SLC35F4: variants seen among roughly 807,000 people sequenced by gnomAD.
SLC35F4 encodes the protein chromosome 14 open reading frame 36.
In SLC35F4, 24 loss-of-function variants were observed where a neutral mutation model predicts 44.2. The observed-to-expected ratio is 0.54, with a 90% CI of 0.39 to 0.76. The LOEUF (loss-of-function observed/expected upper bound fraction) is 0.76. Among genes scored for constraint, SLC35F4 ranks in the 30% least tolerant of loss-of-function variants. SLC35F4 has a pLI of 0.00. For missense variants in SLC35F4, 562 were observed against 586.1 expected, an observed-to-expected ratio of 0.96 and a Z score of 0.42; for synonymous variants, 238 against 223.6, an observed-to-expected ratio of 1.06 and a Z score of -0.57.
intron 1 of SLC35F4, among the ~76,000 whole-genome samples, chr14:57,791,657 A>G (rs1290098048): frequency 6.6e-6 from 1 of 151,180 alleles, no homozygotes; most frequent in Non-Finnish European, 1.5e-5. Context: ...TATAAAACAC[A>G]TGCACATGTA....
chr14:57,588,626 A>C (rs1487508668), intron 3 of SLC35F4, among the ~76,000 whole-genome samples: 3 of 152,188 alleles, frequency 2.0e-5, no homozygotes, highest in African/African-American at 7.2e-5. Flanking sequence ...CATGGTTAGC[A>C]AGGAAACAGA....
chr14:57,576,587 CT>C (rs2068804108), intron 4 of SLC35F4, among the ~76,000 whole-genome samples: 1 of 152,094 alleles, frequency 6.6e-6, no homozygotes, highest in Non-Finnish European at 1.5e-5. Flanking sequence ...CTATGGAAAA[CT>C]TTCTTTTTTA....
intron 1 of SLC35F4, among the ~76,000 whole-genome samples, chr14:57,707,080 T>C (rs1381260948): frequency 6.6e-6 from 1 of 152,130 alleles, no homozygotes; most frequent in Non-Finnish European, 1.5e-5. Flanking sequence ...TTAAAAGGTA[T>C]TGGGAAAAAG....
chr14:57,610,211 G>A (rs996153003), intron 1 of SLC35F4, among the ~76,000 whole-genome samples: 3 of 152,070 alleles, frequency 2.0e-5, no homozygotes, highest in Non-Finnish European at 4.4e-5. Context: ...GCTATATTAG[G>A]GAAAAGAGAC....
chr14:57,704,467 A>T (rs566585820), intron 1 of SLC35F4, among the ~76,000 whole-genome samples: 1 of 152,278 alleles, frequency 6.6e-6, no homozygotes, highest in East Asian at 1.9e-4. Flanking sequence ...CATCGTTACA[A>T]AGATTGGCAT....
intron 1 of SLC35F4, among the ~76,000 whole-genome samples, chr14:57,829,325 G>A (rs78807352): frequency 6.6e-6 from 1 of 152,158 alleles, no homozygotes; most frequent in Non-Finnish European, 1.5e-5. Context: ...TCTGGGTCGT[G>A]GGGGAAGGGA....
intron 1 of SLC35F4, among the ~76,000 whole-genome samples, chr14:57,823,548 T>A (rs1428199473): frequency 6.6e-6 from 1 of 152,160 alleles, no homozygotes; most frequent in Non-Finnish European, 1.5e-5. Context: ...TATAGCTATA[T>A]CCCTGGTGCC....
At chr14:57,732,185 G>T (rs1278548235) in intron 1 of SLC35F4, among the ~76,000 whole-genome samples, 5 of 151,988 alleles carry the variant, frequency 3.3e-5, no homozygotes, top group African/African-American at 9.7e-5. Flanking sequence ...TTTATTTTTT[G>T]AAAAATAACA....
At chr14:57,565,061 G>A (rs1310189678) in intron 7 of SLC35F4, among the ~76,000 whole-genome samples, 2 of 152,198 alleles carry the variant, frequency 1.3e-5, no homozygotes, top group East Asian at 1.9e-4. Context: ...GTTGTAGCAC[G>A]TGTCAGCACC....
intron 1 of SLC35F4, among the ~76,000 whole-genome samples, chr14:57,669,741 T>C (rs1269699881): frequency 6.6e-6 from 1 of 152,100 alleles, no homozygotes; most frequent in African/African-American, 2.4e-5. Flanking sequence ...GTCAGTATTT[T>C]ATTGAGGATT....
intron 1 of SLC35F4, among the ~76,000 whole-genome samples, chr14:57,633,213 C>T (rs1363257863): frequency 3.3e-5 from 5 of 152,062 alleles, no homozygotes; most frequent in Admixed American, 6.6e-5. Context: ...GGATTTTTTG[C>T]AGACATAAGT....
intron 1 of SLC35F4, among the ~76,000 whole-genome samples, chr14:57,944,770 A>G (rs1889991182): frequency 1.3e-5 from 2 of 151,494 alleles, no homozygotes; most frequent in African/African-American, 4.8e-5. Context: ...AAGAAAGAAA[A>G]GAAAAGAAAA....
chr14:57,689,990 G>A (rs553960643), intron 1 of SLC35F4, among the ~76,000 whole-genome samples: 37 of 151,898 alleles, frequency 2.4e-4, no homozygotes, highest in African/African-American at 7.5e-4. Context: ...TCTTTTCCTC[G>A]AACAAATCAT....
chr14:57,780,992 C>T (rs772196983), intron 1 of SLC35F4, among the ~76,000 whole-genome samples: 6 of 151,906 alleles, frequency 3.9e-5, no homozygotes, highest in Non-Finnish European at 5.9e-5. Flanking sequence ...AATATTATTC[C>T]GGACATAGGA....
chr14:57,742,838 G>C (rs1157375735), intron 1 of SLC35F4, among the ~76,000 whole-genome samples: 3 of 152,136 alleles, frequency 2.0e-5, no homozygotes, highest in African/African-American at 7.2e-5. Flanking sequence ...GCACTCCTCA[G>C]CAAATGTAAA....
chr14:57,908,769 C>T (rs925646241), intron 1 of SLC35F4, among the ~76,000 whole-genome samples: 4 of 152,194 alleles, frequency 2.6e-5, no homozygotes, highest in Admixed American at 1.3e-4. Flanking sequence ...CTTTGCTGTG[C>T]AGAAGCTCTT....
intron 1 of SLC35F4, among the ~76,000 whole-genome samples, chr14:57,831,318 C>T (rs1320901209): frequency 6.6e-6 from 1 of 152,138 alleles, no homozygotes; most frequent in African/African-American, 2.4e-5. Flanking sequence ...TTTGTTGGCA[C>T]CTTGATCTTA....
At chr14:57,597,019 G>T in intron 1 of SLC35F4, 1 of 510,618 alleles carries the variant, frequency 2.0e-6, no homozygotes, top group Non-Finnish European at 3.2e-6. Context: ...CGAAAACATT[G>T]TCCCATCCTC....
At chr14:57,609,727 A>G (rs1212415860) in intron 1 of SLC35F4, among the ~76,000 whole-genome samples, 1 of 152,208 alleles carries the variant, frequency 6.6e-6, no homozygotes, top group African/African-American at 2.4e-5. Flanking sequence ...TGATGTTCAC[A>G]CTGTCCGGAA....
Sources: gnomAD v4.1 joint callset for allele counts (sites outside exome capture counted in the v4.1 genomes callset) on GRCh38, gnomAD v4.1.1 for gene constraint, MANE v1.5 for transcripts, NCBI Gene and HGNC (gene_info 2026-07-23, HGNC 2026-07-21) for gene names.